Variants in COL24A1 observed in about 807,000 individuals in gnomAD.
COL24A1 encodes the protein collagen alpha-1(XXIV) chain.
COL24A1 carries 224 observed loss-of-function variants against 253.9 expected under a neutral mutation model. The observed-to-expected ratio is 0.88, with a 90% CI of 0.79 to 0.99. The LOEUF (loss-of-function observed/expected upper bound fraction) is 0.99, where lower values mean the gene tolerates loss of function less well. Ranked by LOEUF, COL24A1 falls within the 50% of genes least tolerant of loss-of-function variation. COL24A1 has a pLI of 0.00. For synonymous variants in COL24A1, 685 were observed against 673.7 expected, an observed-to-expected ratio of 1.02 and a Z score of -0.26; for missense variants, 2,131 against 2,068.5, an observed-to-expected ratio of 1.03 and a Z score of -0.59.
intron 7 of COL24A1, among the ~76,000 whole-genome samples, 190 bp from the exon 8 acceptor site, chr1:86,063,949 A>G (rs1701296590): frequency 6.6e-6 from 1 of 151,834 alleles, no homozygotes; most frequent in Non-Finnish European, 1.5e-5. Flanking sequence ...TTTATTAAAT[A>G]AAAAATTAAT....
chr1:85,806,303 T>A (rs1357832974), intron 47 of COL24A1, among the ~76,000 whole-genome samples: 1 of 152,148 alleles, frequency 6.6e-6, no homozygotes, highest in East Asian at 1.9e-4. Flanking sequence ...AAGAAAAGAA[T>A]TTAAATAAGG....
intron 2 of COL24A1, among the ~76,000 whole-genome samples, chr1:86,142,087 A>G (rs1349747895): frequency 1.3e-5 from 2 of 152,184 alleles, no homozygotes; most frequent in Admixed American, 1.3e-4. Flanking sequence ...AAAATTTAGA[A>G]CAAAGACAAT....
chr1:85,914,471 A>T (rs1317908326), intron 24 of COL24A1, among the ~76,000 whole-genome samples: 1 of 150,628 alleles, frequency 6.6e-6, no homozygotes, highest in Non-Finnish European at 1.5e-5. Context: ...GCTCACAGCA[A>T]CCTCTGCCTC....
At position 85,903,855 on chromosome 1, in the gene COL24A1, G is replaced by A. The variant is rs150843012; in HGVS notation, c.2778+3339C>T. Among the ~76,000 whole-genome samples, 62 of 152,106 alleles carry A rather than the reference G, an allele frequency of 4.1e-4. No homozygotes were observed. The East Asian group carries it at 8.1e-3, about 20-fold the overall frequency. The stretch of plus-strand genomic sequence containing the variant: ...TTGATTTACACAGCTGAAACAAAAC[G>A]TTCTATTAAACAAAAACTAACATTA... On this transcript the variant is annotated intron_variant, in intron 28 of 59. Coordinates refer to ENST00000370571, the MANE Select transcript of COL24A1 (RefSeq NM_152890.7).
intron 37 of COL24A1, among the ~76,000 whole-genome samples, chr1:85,865,334 A>G (rs1679663919): frequency 6.6e-6 from 1 of 152,144 alleles, no homozygotes; most frequent in African/African-American, 2.4e-5. Context: ...TTCTTTTGAA[A>G]AAATATGCCA....
chr1:85,800,583 A>T (rs1214687183), intron 47 of COL24A1, among the ~76,000 whole-genome samples: 1 of 152,202 alleles, frequency 6.6e-6, no homozygotes, highest in African/African-American at 2.4e-5. Flanking sequence ...TTGGAAAATG[A>T]GCAGAATTAA....
At chr1:86,052,275 G>GTTT (rs1180203408) in intron 10 of COL24A1, among the ~76,000 whole-genome samples, 32 of 152,096 alleles carry the variant, frequency 2.1e-4, no homozygotes, top group Non-Finnish European at 1.5e-5. Context: ...AAAAGTAATT[G>GTTT]TTATTTCTAT....
At chr1:85,777,361 A>C (rs983785143) in intron 52 of COL24A1, among the ~76,000 whole-genome samples, 4 of 152,126 alleles carry the variant, frequency 2.6e-5, no homozygotes, top group Non-Finnish European at 5.9e-5. Context: ...TTCTAATCAA[A>C]TATTGACAAA....
At chr1:86,113,174 A>G (rs1409547815) in intron 4 of COL24A1, among the ~76,000 whole-genome samples, 2 of 152,210 alleles carry the variant, frequency 1.3e-5, no homozygotes, top group Admixed American at 6.5e-5. Flanking sequence ...AGTACCTACT[A>G]TGTGCTAGGA....
rs528084792 is a variant in COL24A1 at position 85,860,231 on chromosome 1, C to G, written c.3300+8288G>C. 5.9e-5 allele frequency among the ~76,000 whole-genome samples: 9 copies of G among 152,168 alleles called. No individual in the cohort carries two copies. The South Asian group carries it at 1.5e-3, about 25-fold the overall frequency. On this transcript the variant is annotated intron_variant, in intron 37 of 59. Coordinates refer to ENST00000370571, the MANE Select transcript of COL24A1 (RefSeq NM_152890.7). The stretch of plus-strand genomic sequence containing the variant: ...ACGTATCATGTATATGAATTATGTG[C>G]CCATTTAATGTGTACAATTAGATGA...
chr1:86,105,066 G>T (rs757875025), intron 5 of COL24A1, among the ~76,000 whole-genome samples: 13 of 152,194 alleles, frequency 8.5e-5, no homozygotes, highest in African/African-American at 1.2e-4. Flanking sequence ...GGCTGCACAG[G>T]GTGGGAGAGG....
At position 86,126,021 on chromosome 1, in the gene COL24A1, C is replaced by T. The variant is rs1409068706; in HGVS notation, c.315G>A (p.Pro105=). 10 of 1,613,454 alleles carry T rather than the reference C, an allele frequency of 6.2e-6. No homozygotes were observed. The highest frequency in any genetic ancestry group is 1.6e-4 in the Middle Eastern group (1 of 6,082). The change falls in exon 3 of 60, where the codon CCG becomes CCA. Residue 105 remains proline, a synonymous_variant. Transcript: ENST00000370571. ...ACTGTAACCCAGTTAATATTGTAAA[C>T]GGCTGCCCCAAGTTGACTGGTAAAA... ...VKILPVNLGQ[P]FTILTGLQSH...
At chr1:85,806,838 A>C (rs569449888) in intron 47 of COL24A1, among the ~76,000 whole-genome samples, 5 of 152,240 alleles carry the variant, frequency 3.3e-5, no homozygotes, top group Non-Finnish European at 7.3e-5. Context: ...GCTGTTGGCC[A>C]GTGCCTTACC....
intron 51 of COL24A1, among the ~76,000 whole-genome samples, chr1:85,782,357 G>A (rs1037553545): frequency 6.6e-6 from 1 of 152,122 alleles, no homozygotes; most frequent in Non-Finnish European, 1.5e-5. Context: ...CAAAGTGCTG[G>A]GATTACAGGT....
At chr1:85,995,564 C>T (rs1694707445) in intron 19 of COL24A1, among the ~76,000 whole-genome samples, 1 of 152,112 alleles carries the variant, frequency 6.6e-6, no homozygotes, top group Non-Finnish European at 1.5e-5. Flanking sequence ...AAGCAGATCC[C>T]CCCATGGTAC....
At position 86,040,572 on chromosome 1, in the gene COL24A1, T is replaced by C. The variant is rs1202721072; in HGVS notation, c.1950+6253A>G. On this transcript the variant is annotated intron_variant, in intron 12 of 59. Coordinates refer to ENST00000370571, the MANE Select transcript of COL24A1 (RefSeq NM_152890.7). ...TGTCACATCTCTATGAAATCAATTATGTTCTGCCTGGACTTCCTCCAAATT... is the reference window on the plus strand; with the variant it reads ...TGTCACATCTCTATGAAATCAATTACGTTCTGCCTGGACTTCCTCCAAATT... Among the ~76,000 whole-genome samples the C allele has an allele frequency of 2.0e-5, 3 of 150,426 alleles. No homozygotes were observed. The Admixed American group carries it at 2.0e-4, about 10-fold the overall frequency.
intron 2 of COL24A1, among the ~76,000 whole-genome samples, chr1:86,141,126 G>A (rs1651007974): frequency 6.6e-6 from 1 of 152,078 alleles, no homozygotes; most frequent in Non-Finnish European, 1.5e-5. Context: ...CAAATTTTTG[G>A]AAAATGAAAA....
intron 24 of COL24A1, among the ~76,000 whole-genome samples, chr1:85,957,232 C>T (rs1690560707): frequency 6.6e-6 from 1 of 152,074 alleles, no homozygotes; most frequent in Non-Finnish European, 1.5e-5. Context: ...GGACAAATAC[C>T]TAATGCATGC....
At chr1:85,742,137 C>CT (rs67922956) in intron 57 of COL24A1, among the ~76,000 whole-genome samples, 123,562 of 142,110 alleles carry the variant, frequency 0.87, 54,726 homozygotes, top group Non-Finnish European at 0.96. Context: ...TTTCTTTTTT[C>CT]TTTTTTTTTC....
Sources: gnomAD v4.1 joint callset for allele counts (sites outside exome capture counted in the v4.1 genomes callset) on GRCh38, gnomAD v4.1.1 for gene constraint, MANE v1.5 for transcripts, NCBI Gene and HGNC (gene_info 2026-07-23, HGNC 2026-07-21) for gene names.